Variants in EPHA6 observed in about 807,000 individuals in gnomAD.
The protein encoded by EPHA6 is EPH receptor A6.
In EPHA6, 50 loss-of-function variants were observed where a neutral mutation model predicts 112.0. That is an observed-to-expected ratio of 0.45 (90% CI 0.36 to 0.56). EPHA6 has a LOEUF of 0.56. EPHA6 is among the 20% of genes least tolerant of loss of function. The pLI is 0.00. For missense variants in EPHA6, 1,280 were observed against 1,417.4 expected, an observed-to-expected ratio of 0.90 and a Z score of 1.56; for synonymous variants, 529 against 490.7, an observed-to-expected ratio of 1.08 and a Z score of -1.03.
rs186935691 is a variant in EPHA6 at position 97,303,599 on chromosome 3, T to C, written c.1606+59312T>C. ...ACCAAAATATGTATTGGTACCAGCA[T>C]AGAGAAATAGAAAGATTACAGAGAG... is the stretch of plus-strand genomic sequence containing the variant. On this transcript the variant is annotated intron_variant, in intron 5 of 17. Transcript: ENST00000389672. 2.2e-3 allele frequency among the ~76,000 whole-genome samples: 336 copies of C among 152,058 alleles called. 3 individuals carry two copies. Among genetic ancestry groups the C allele is most frequent in the African/African-American group, 7.8e-3 (325 of 41,506 alleles).
chr3:97,734,023 A>G (rs2107842861), intron 15 of EPHA6, among the ~76,000 whole-genome samples: 1 of 152,200 alleles, frequency 6.6e-6, no homozygotes, highest in East Asian at 1.9e-4. Context: ...ATGTGAATTT[A>G]GGCAAGTTTC....
chr3:97,404,812 T>C (rs748743497), intron 5 of EPHA6, among the ~76,000 whole-genome samples: 3 of 152,102 alleles, frequency 2.0e-5, no homozygotes, highest in Non-Finnish European at 4.4e-5. Context: ...TGATAAAACA[T>C]ACGAGCCAAG....
chr3:97,545,476 T>C lies in EPHA6; in HGVS notation c.2386+12933T>C, dbSNP rs547749022. Among the ~76,000 whole-genome samples, 135 of 152,348 alleles carry C rather than the reference T, an allele frequency of 8.9e-4. 1 individual carries two copies. The highest frequency in any genetic ancestry group is 2.6e-3 in the African/African-American group (109 of 41,574). On this transcript the variant is annotated intron_variant, in intron 11 of 17. Coordinates refer to ENST00000389672, the MANE Select transcript of EPHA6 (RefSeq NM_001080448.3). ...CTTTTACATTTGCTGAGGAGTGCTT[T>C]ACTTCCAACTGTGTGGTCAATTTTG...
intron 3 of EPHA6, among the ~76,000 whole-genome samples, chr3:97,170,872 C>A (rs1246228866): frequency 1.3e-5 from 2 of 152,120 alleles, no homozygotes; most frequent in Non-Finnish European, 2.9e-5. Flanking sequence ...TACAGGTGTT[C>A]CTCAAGTTAA....
intron 5 of EPHA6, among the ~76,000 whole-genome samples, chr3:97,404,726 G>T (rs2087221466): frequency 6.6e-6 from 1 of 152,120 alleles, no homozygotes; most frequent in African/African-American, 2.4e-5. Context: ...GCCTTAAAAT[G>T]TCTAGAGGAA....
At chr3:97,303,877 T>C (rs1266128191) in intron 5 of EPHA6, among the ~76,000 whole-genome samples, 1 of 152,032 alleles carries the variant, frequency 6.6e-6, no homozygotes, top group African/African-American at 2.4e-5. Context: ...TCCATGAGCA[T>C]GGAATGTTTT....
chr3:97,578,605 G>A (rs2093409331), intron 11 of EPHA6, among the ~76,000 whole-genome samples: 1 of 152,136 alleles, frequency 6.6e-6, no homozygotes, highest in South Asian at 2.1e-4. Flanking sequence ...CATGACTAGA[G>A]GTATAGGACT....
intron 5 of EPHA6, among the ~76,000 whole-genome samples, chr3:97,334,144 G>T (rs2082939650): frequency 2.6e-5 from 4 of 151,984 alleles, no homozygotes; most frequent in Admixed American, 2.6e-4. Context: ...ATATATGGAA[G>T]AAATCCCACC....
At chr3:97,221,177 G>A (rs1248889859) in intron 3 of EPHA6, among the ~76,000 whole-genome samples, 2 of 151,744 alleles carry the variant, frequency 1.3e-5, no homozygotes, top group African/African-American at 4.8e-5. Flanking sequence ...GATGGGCATG[G>A]TGGTGCATGC....
chr3:96,930,992 CAAAAAAAAAAAAAA>C (rs754917681), intron 2 of EPHA6, among the ~76,000 whole-genome samples: 11 of 34,762 alleles, frequency 3.2e-4, no homozygotes, highest in Non-Finnish European at 6.6e-4. Flanking sequence ...ACTCTGTCTC[CAAAAAAAAAAAAAA>C]AAAAAAAAAA....
At chr3:97,644,350 T>C (rs1390805609) in intron 14 of EPHA6, among the ~76,000 whole-genome samples, 2 of 144,802 alleles carry the variant, frequency 1.4e-5, no homozygotes, top group African/African-American at 5.1e-5. Flanking sequence ...AGATCCAAAA[T>C]TGACACCCTA....
chr3:97,326,778 T>C (rs1161220256), intron 5 of EPHA6, among the ~76,000 whole-genome samples: 1 of 152,110 alleles, frequency 6.6e-6, no homozygotes, highest in African/African-American at 2.4e-5. Flanking sequence ...GCTGGAATAG[T>C]AGAAGGCATG....
intron 2 of EPHA6, among the ~76,000 whole-genome samples, chr3:96,960,126 GT>G (rs1355639731): frequency 2.6e-5 from 4 of 152,118 alleles, no homozygotes; most frequent in African/African-American, 9.7e-5. Context: ...ATGAGCTGGT[GT>G]ATTTGTGAAC....
chr3:97,104,330 A>G (rs761859860), intron 3 of EPHA6, among the ~76,000 whole-genome samples: 15 of 152,136 alleles, frequency 9.9e-5, no homozygotes, highest in Admixed American at 2.6e-4. Flanking sequence ...TTCAATACCT[A>G]GTTTGCTGAG....
chr3:97,583,933 C>G (rs2093464913), intron 11 of EPHA6, among the ~76,000 whole-genome samples: 1 of 152,120 alleles, frequency 6.6e-6, no homozygotes, highest in Admixed American at 6.5e-5. Flanking sequence ...TCACTCGACC[C>G]TTCCATCACT....
intron 10 of EPHA6, among the ~76,000 whole-genome samples, chr3:97,528,207 A>C (rs935154078): frequency 6.6e-6 from 1 of 152,098 alleles, no homozygotes; most frequent in African/African-American, 2.4e-5. Context: ...CATGGTCTCA[A>C]AGTAGCCTGA....
At chr3:97,122,742 A>G (rs1261322933) in intron 3 of EPHA6, among the ~76,000 whole-genome samples, 1 of 152,064 alleles carries the variant, frequency 6.6e-6, no homozygotes, top group Non-Finnish European at 1.5e-5. Flanking sequence ...TGTTAATTGT[A>G]TAGAATTCTT....
intron 10 of EPHA6, among the ~76,000 whole-genome samples, chr3:97,499,197 T>G (rs1304248115): frequency 6.7e-6 from 1 of 150,218 alleles, no homozygotes; most frequent in Non-Finnish European, 1.5e-5. Flanking sequence ...TTTACCTGAT[T>G]CTGTTTTTTA....
At chr3:97,066,373 T>C (rs1379970807) in intron 3 of EPHA6, among the ~76,000 whole-genome samples, 2 of 152,082 alleles carry the variant, frequency 1.3e-5, no homozygotes, top group Non-Finnish European at 2.9e-5. Flanking sequence ...GATATAGGGA[T>C]TACACAATGT....
Sources: allele counts gnomAD v4.1 joint callset (sites outside exome capture counted in the v4.1 genomes callset), GRCh38; gene constraint gnomAD v4.1.1; transcripts MANE v1.5; gene names NCBI Gene and HGNC (gene_info 2026-07-23, HGNC 2026-07-21).